ANKFN1: variants seen among roughly 807,000 people sequenced by gnomAD.
The protein encoded by ANKFN1 is ankyrin repeat and fibronectin type III domain containing 1.
A neutral mutation model predicts 108.7 loss-of-function variants in ANKFN1; 74 were observed. The observed-to-expected ratio is 0.68, with a 90% CI of 0.56 to 0.83. The LOEUF is 0.83. Among genes scored for constraint, ANKFN1 ranks in the 40% least tolerant of loss-of-function variants. The pLI is 0.00. For synonymous variants in ANKFN1, 547 were observed against 516.2 expected, an observed-to-expected ratio of 1.06 and a Z score of -0.81; for missense variants, 1,505 against 1,382.3, an observed-to-expected ratio of 1.09 and a Z score of -1.41.
At chr17:56,169,072 AC>A (rs1477987316) in intron 1 of ANKFN1, among the ~76,000 whole-genome samples, 1 of 152,072 alleles carries the variant, frequency 6.6e-6, no homozygotes, top group African/African-American at 2.4e-5. Context: ...AGCGGGGAAA[AC>A]AATGGTCTTT....
At chr17:56,113,045 C>T (rs1906061856) in intron 4 of ANKFN1, among the ~76,000 whole-genome samples, 1 of 152,140 alleles carries the variant, frequency 6.6e-6, no homozygotes, top group African/African-American at 2.4e-5. Flanking sequence ...ACTTTGATAT[C>T]GTCAAAGATA....
At chr17:56,397,474 G>A (rs1370963023) in intron 8 of ANKFN1, among the ~76,000 whole-genome samples, 5 of 152,158 alleles carry the variant, frequency 3.3e-5, no homozygotes, top group African/African-American at 4.8e-5. Flanking sequence ...TTCTGACAAT[G>A]TGCATTTGGT....
intron 4 of ANKFN1, among the ~76,000 whole-genome samples, chr17:56,330,401 C>T (rs997800646): frequency 3.3e-5 from 5 of 152,200 alleles, no homozygotes; most frequent in African/African-American, 1.2e-4. Context: ...ATTCAATTAT[C>T]TCCACCTTGC....
At chr17:56,451,118 A>G (rs1024427971) in intron 11 of ANKFN1, among the ~76,000 whole-genome samples, 1 of 152,340 alleles carries the variant, frequency 6.6e-6, no homozygotes, top group Non-Finnish European at 1.5e-5. Flanking sequence ...GCTCAGCTGA[A>G]AAAGGTTCTC....
intron 8 of ANKFN1, among the ~76,000 whole-genome samples, chr17:56,420,679 CCTT>C (rs1567987821): frequency 7.1e-6 from 1 of 140,634 alleles, no homozygotes; most frequent in Non-Finnish European, 1.5e-5. Flanking sequence ...TCTTCTGACT[CCTT>C]CTTTTTTTTT....
intron 1 of ANKFN1, among the ~76,000 whole-genome samples, chr17:56,188,135 T>C (rs1013571606): frequency 6.6e-6 from 1 of 152,206 alleles, no homozygotes; most frequent in African/African-American, 2.4e-5. Flanking sequence ...TAATGTAAGT[T>C]ACTGTGCCTT....
At chr17:56,144,437 T>C (rs187324465) in intron 4 of ANKFN1, among the ~76,000 whole-genome samples, 9 of 152,322 alleles carry the variant, frequency 5.9e-5, no homozygotes, top group Non-Finnish European at 1.3e-4. Context: ...TACTTTGGCA[T>C]GCATCCAACC....
intron 8 of ANKFN1, among the ~76,000 whole-genome samples, chr17:56,380,821 G>A (rs2047079424): frequency 6.6e-6 from 1 of 152,244 alleles, no homozygotes; most frequent in African/African-American, 2.4e-5. Context: ...GCTCAAGGAG[G>A]CCTGCCTGCC....
chr17:56,088,067 A>C (rs1905348852), intron 4 of ANKFN1, among the ~76,000 whole-genome samples: 1 of 151,334 alleles, frequency 6.6e-6, no homozygotes, highest in South Asian at 2.1e-4. Context: ...ATCTTCACCT[A>C]AGTCACGTTG....
chr17:56,154,718 A>T (rs951414761), intron 1 of ANKFN1, among the ~76,000 whole-genome samples: 1 of 152,026 alleles, frequency 6.6e-6, no homozygotes, highest in African/African-American at 2.4e-5. Context: ...CAGGAACTAT[A>T]CAGTTTTCAA....
At chr17:56,168,052 A>G (rs1055564119) in intron 1 of ANKFN1, among the ~76,000 whole-genome samples, 8 of 152,152 alleles carry the variant, frequency 5.3e-5, no homozygotes, top group Non-Finnish European at 1.2e-4. Flanking sequence ...AGATCACTTG[A>G]GGCCAGGAAT....
At chr17:56,114,325 G>A (rs74423641) in intron 4 of ANKFN1, among the ~76,000 whole-genome samples, 1,977 of 152,284 alleles carry the variant, frequency 0.013, 48 homozygotes, top group African/African-American at 0.045. Context: ...TGAAGACCAG[G>A]TAATTCACAG....
chr17:56,480,646 T>G, intron 16 of ANKFN1, 22 bp from the exon 17 acceptor site: 1 of 1,611,328 alleles, frequency 6.2e-7, no homozygotes, highest in African/African-American at 1.3e-5. Context: ...TATTTCTAAT[T>G]TTAACTTGAC....
chr17:56,450,821 A>T (rs548234701), intron 11 of ANKFN1, among the ~76,000 whole-genome samples: 2 of 152,278 alleles, frequency 1.3e-5, no homozygotes, highest in South Asian at 4.1e-4. Flanking sequence ...GATTTTTTTA[A>T]TATTATCTGA....
At chr17:56,470,251 G>A (rs537699134) in intron 15 of ANKFN1, among the ~76,000 whole-genome samples, 3 of 152,196 alleles carry the variant, frequency 2.0e-5, no homozygotes, top group East Asian at 1.9e-4. Context: ...GTGAACATAC[G>A]TGTGCACATG....
chr17:56,461,335 T>C (rs938305664), intron 14 of ANKFN1, among the ~76,000 whole-genome samples: 1 of 152,228 alleles, frequency 6.6e-6, no homozygotes, highest in Non-Finnish European at 1.5e-5. Flanking sequence ...GTCATGCCAA[T>C]GACTTTGGTT....
chr17:56,196,798 G>C (rs542468219), intron 1 of ANKFN1, among the ~76,000 whole-genome samples: 37 of 152,178 alleles, frequency 2.4e-4, no homozygotes, highest in African/African-American at 8.9e-4. Flanking sequence ...TTTTCATTTT[G>C]AGCTGCCATA....
intron 6 of ANKFN1, among the ~76,000 whole-genome samples, chr17:56,364,710 T>A (rs1365321157): frequency 6.6e-6 from 1 of 152,222 alleles, no homozygotes; most frequent in Non-Finnish European, 1.5e-5. Context: ...TCTTAAGAAA[T>A]CACCAGTTAC....
chr17:56,171,938 GAT>G (rs1910729539), intron 1 of ANKFN1, among the ~76,000 whole-genome samples: 1 of 151,768 alleles, frequency 6.6e-6, no homozygotes, highest in African/African-American at 2.4e-5. Flanking sequence ...TAACCTCCTT[GAT>G]CAAGATCTTC....
Sources: gnomAD v4.1 joint callset for allele counts (sites outside exome capture counted in the v4.1 genomes callset) on GRCh38, gnomAD v4.1.1 for gene constraint, MANE v1.5 for transcripts, NCBI Gene and HGNC (gene_info 2026-07-23, HGNC 2026-07-21) for gene names.